The following GRAMD2A variants were observed in gnomAD, a reference collection of about 807,000 sequenced individuals.
The protein encoded by GRAMD2A is GRAM domain-containing protein 2A.
GRAMD2A carries 37 observed loss-of-function variants against 51.1 expected under a neutral mutation model. The ratio of observed to expected loss-of-function variants is 0.72; its 90% CI spans 0.56 to 0.95. The LOEUF is 0.95. GRAMD2A is among the 40% of genes least tolerant of loss of function. The probability of loss-of-function intolerance (pLI) is 0.00; values close to 1 mark genes in which losing one functional copy is unlikely to be tolerated. For synonymous variants in GRAMD2A, 136 were observed against 157.1 expected (o/e 0.87, Z 1.01); for missense variants, 414 against 426.9 (o/e 0.97, Z 0.27).
rs575177283 is a variant in GRAMD2A, at chr15:72,162,361, T to G, written c.973A>C (p.Met325Leu). 6.2e-7 allele frequency: 1 copy of G among 1,613,550 alleles called. No homozygotes were observed. Among genetic ancestry groups the G allele is most frequent in the East Asian group, 2.2e-5 (1 of 44,880 alleles). ...VFFVLICFLV[M>L]SSSYLAFRIS... ...CGGAACGCCAGGTAGGATGAGGACA[T>G]GACCAGGAAGCAGATCCTGAAGAAA... Residue 325 changes from methionine (M) to leucine (L), a missense_variant, in exon 11 of 12, where the codon ATG becomes CTG. Coordinates refer to ENST00000309731, the MANE Select transcript of GRAMD2A (RefSeq NM_001012642.3).
At chr15:72,186,926 C>A (rs1257581026) in intron 1 of GRAMD2A, among the ~76,000 whole-genome samples, 1 of 151,236 alleles carries the variant, frequency 6.6e-6, no homozygotes, top group Non-Finnish European at 1.5e-5. Flanking sequence ...ACAGGTGGAT[C>A]ACCTGAGCTC....
intron 7 of GRAMD2A, among the ~76,000 whole-genome samples, chr15:72,165,870 T>A (rs964089618): frequency 5.3e-5 from 8 of 152,030 alleles, no homozygotes; most frequent in Non-Finnish European, 1.0e-4. Flanking sequence ...TGTTTTTTGT[T>A]TTTTTTTGTT....
intron 1 of GRAMD2A, among the ~76,000 whole-genome samples, chr15:72,178,913 T>C (rs2081676655): frequency 6.6e-6 from 1 of 152,198 alleles, no homozygotes. Context: ...CCTTTTTATT[T>C]TCTCAGATGA....
intron 1 of GRAMD2A, among the ~76,000 whole-genome samples, chr15:72,178,531 T>C (rs1567088024): frequency 6.6e-6 from 1 of 151,956 alleles, no homozygotes; most frequent in African/African-American, 2.4e-5. Context: ...TTTCCTTCTT[T>C]TGCAAAAATA....
At position 72,197,514 on chromosome 15, in the gene GRAMD2A, T is replaced by C. The variant is rs530631837; in HGVS notation, c.41+217A>G. ...CAGCAGACTCAGCCAAGACACCCGG[T>C]CCTAGTGCGAACACCTCGCGGGCCC... On this transcript the variant is annotated intron_variant, in intron 1 of 11. Transcript: ENST00000309731. 2.1e-4 allele frequency among the ~76,000 whole-genome samples: 32 copies of C among 151,818 alleles called. No individual in the cohort carries two copies. The South Asian group carries it at 4.6e-3, about 22-fold the overall frequency.
chr15:72,196,478 G>A (rs1307051124), intron 1 of GRAMD2A, among the ~76,000 whole-genome samples: 1 of 151,360 alleles, frequency 6.6e-6, no homozygotes, highest in African/African-American at 2.4e-5. Flanking sequence ...ATCCCACCAC[G>A]GCACTCCAGC....
chr15:72,161,789 G>A lies in GRAMD2A; in HGVS notation c.*220C>T, dbSNP rs1473290365. On this transcript the variant is annotated 3_prime_UTR_variant, in exon 12 of 12. Coordinates refer to ENST00000309731, the MANE Select transcript of GRAMD2A (RefSeq NM_001012642.3). ...TTCCAAAAAATCTGGCTTTTTGCTTGAGTCCAAAAATTGTAGAAGCCAGTT... is the reference window on the plus strand; with the variant it reads ...TTCCAAAAAATCTGGCTTTTTGCTTAAGTCCAAAAATTGTAGAAGCCAGTT... The A allele has an allele frequency of 1.8e-6, 1 of 552,638 alleles. No homozygotes were observed. Among genetic ancestry groups the A allele is most frequent in the Non-Finnish European group, 3.3e-6 (1 of 306,300 alleles). The allele number at this position is 552,638 out of a possible 1,614,324, so 34.2% of individuals were successfully genotyped here.
At chr15:72,182,249 C>T (rs917804122) in intron 1 of GRAMD2A, among the ~76,000 whole-genome samples, 2 of 151,350 alleles carry the variant, frequency 1.3e-5, no homozygotes, top group African/African-American at 4.9e-5. Flanking sequence ...TCTATAATCC[C>T]AGCTACTCAG....
In GRAMD2A at chr15:72,168,541, T is replaced by C; in HGVS notation, c.218A>G (p.Gln73Arg). The part of the protein sequence containing the change: ...EGITLNKYNQ[Q>R]YHKLFKDVPL... ...AACATCCTTAAACAGCTTGTGGTAT[T>C]GCTGGTTGTATTTATTCAGTGTTAT... Residue 73 changes from glutamine to arginine, a missense_variant, in exon 4 of 12, where the codon CAA (glutamine) becomes CGA (arginine). Physicochemically the swap from Gln to Arg is conservative, Grantham distance 43. Transcript: ENST00000309731. 6.2e-7 allele frequency: 1 copy of C among 1,613,900 alleles called. No individual in the cohort carries two copies.
rs2140549039 is a variant in GRAMD2A, at chr15:72,170,895, C to A, written c.42-956G>T. Among the ~76,000 whole-genome samples, 1 of 152,324 alleles carries A rather than the reference C, an allele frequency of 6.6e-6. No individual in the cohort carries two copies. Among genetic ancestry groups the A allele is most frequent in the South Asian group, 2.1e-4 (1 of 4,826 alleles). On this transcript the variant is annotated intron_variant, in intron 1 of 11. Transcript: ENST00000309731. The surrounding 1 kb of genome is among the most constrained non-coding windows in gnomAD (Gnocchi z 4.5). ...GAACCTACAAATCTCAATGCTCAGT[C>A]ACCCTCCGCTCTGTGACTGAGGCCA...
chr15:72,166,807 G>T lies in GRAMD2A; in HGVS notation c.472-104C>A. The stretch of plus-strand genomic sequence containing the variant: ...GGGCACAGGCCCACAGGGGTATCAG[G>T]CCATGAGAGCCAACAGAAGCTCTGC... On this transcript the variant is annotated intron_variant, in intron 6 of 11. Transcript: ENST00000309731. The surrounding 1 kb of genome is among the most constrained non-coding windows in gnomAD (Gnocchi z 4.1). 1 of 1,050,154 alleles carries T rather than the reference G, an allele frequency of 9.5e-7. No individual in the cohort carries two copies. The highest frequency in any genetic ancestry group is 1.5e-6 in the Non-Finnish European group (1 of 682,408). 65.1% of individuals were successfully genotyped at this position (1,050,154 alleles called of 1,614,324 possible).
intron 3 of GRAMD2A, 96 bp downstream of exon 3, chr15:72,168,843 G>T: frequency 9.0e-7 from 1 of 1,115,084 alleles, no homozygotes; most frequent in South Asian, 1.2e-5. Context: ...ATTTCCTGAT[G>T]ACAGGCCCGG....
At chr15:72,183,856 C>T (rs1284793048) in intron 1 of GRAMD2A, among the ~76,000 whole-genome samples, 2 of 152,190 alleles carry the variant, frequency 1.3e-5, no homozygotes, top group Non-Finnish European at 2.9e-5. Context: ...TTGGTCAGGA[C>T]AACTTTGGTG....
Position 72,166,684 on chromosome 15 carries a change from A to G in GRAMD2A, c.491T>C (p.Leu164Pro). The G allele has an allele frequency of 6.2e-7, 1 of 1,613,524 alleles. No homozygotes were observed. The highest frequency in any genetic ancestry group is 1.1e-5 in the South Asian group (1 of 91,068). The change falls in exon 7 of 12, where the codon CTC (leucine) becomes CCC (proline). Residue 164 changes from leucine to proline, a missense_variant. Physicochemically the swap from Leu to Pro is moderately conservative, Grantham distance 98 (BLOSUM62 -3). Coordinates refer to ENST00000309731, the MANE Select transcript of GRAMD2A (RefSeq NM_001012642.3). This position sits in a 1 kb window ranked among gnomAD's most constrained non-coding sequence, Gnocchi z 4.1. ...TSQKYIFVSL[L>P]SRDSVYDLLR... ...CAGGTCATATACACTGTCCCGGGAGAGCAGTGACACAAAGATATACTGGGA... is the reference window on the plus strand; with the variant it reads ...CAGGTCATATACACTGTCCCGGGAGGGCAGTGACACAAAGATATACTGGGA...
intron 1 of GRAMD2A, among the ~76,000 whole-genome samples, chr15:72,184,809 A>C (rs1363776665): frequency 6.6e-6 from 1 of 152,212 alleles, no homozygotes; most frequent in African/African-American, 2.4e-5. Flanking sequence ...GGAGAGAAAA[A>C]CAAATAAAAG....
intron 1 of GRAMD2A, among the ~76,000 whole-genome samples, chr15:72,191,839 G>C (rs1413986412): frequency 1.3e-5 from 2 of 151,628 alleles, no homozygotes; most frequent in African/African-American, 4.8e-5. Flanking sequence ...AAAAAGAAAA[G>C]GAAGAAAAGA....
chr15:72,188,043 T>C (rs1596698436), intron 1 of GRAMD2A, among the ~76,000 whole-genome samples: 2 of 152,116 alleles, frequency 1.3e-5, no homozygotes, highest in Non-Finnish European at 2.9e-5. Flanking sequence ...CAATGTATAA[T>C]AAGAATGCTC....
rs1163496628 is a variant in GRAMD2A at position 72,166,509 on chromosome 15, C to A, written c.543+123G>T. ...TTGTACATTGAGCCTGAGCCTTTAA[C>A]TCCCCTCTCCCTGCCCCATTCCCTG... On this transcript the variant is annotated intron_variant, in intron 7 of 11. Coordinates refer to ENST00000309731, the MANE Select transcript of GRAMD2A (RefSeq NM_001012642.3). This position sits in a 1 kb window ranked among gnomAD's most constrained non-coding sequence, Gnocchi z 4.1. 2 of 726,872 alleles carry A rather than the reference C, an allele frequency of 2.8e-6. No individual in the cohort carries two copies. Among genetic ancestry groups the A allele is most frequent in the Non-Finnish European group, 5.0e-6 (2 of 403,714 alleles). The allele number at this position is 726,872 out of a possible 1,614,324, so 45.0% of individuals were successfully genotyped here.
intron 5 of GRAMD2A, 66 bp from the exon 6 acceptor site, chr15:72,167,158 C>A: frequency 8.2e-6 from 10 of 1,212,654 alleles, no homozygotes; most frequent in Non-Finnish European, 1.2e-5. Context: ...TGCTCCCTGC[C>A]TAGGGACCCA....
Sources: allele counts gnomAD v4.1 joint callset (sites outside exome capture counted in the v4.1 genomes callset), GRCh38; gene constraint gnomAD v4.1.1; non-coding constraint Gnocchi (gnomAD v3.1); transcripts MANE v1.5; gene names NCBI Gene and HGNC (gene_info 2026-07-23, HGNC 2026-07-21).